Variants in REEP5 observed in about 807,000 individuals in gnomAD.
REEP5 encodes the protein receptor accessory protein 5, also known as receptor expression-enhancing protein 5.
In REEP5, 24 loss-of-function variants were observed where a neutral mutation model predicts 22.4. The ratio of observed to expected loss-of-function variants is 1.07; its 90% CI spans 0.78 to 1.51. The LOEUF is 1.51. Among genes scored for constraint, REEP5 ranks in the 40% most tolerant of loss-of-function variants. The pLI is 0.00. For missense variants in REEP5, 252 were observed against 233.0 expected, an observed-to-expected ratio of 1.08 and a Z score of -0.53; for synonymous variants, 103 against 88.6, an observed-to-expected ratio of 1.16 and a Z score of -0.92.
At chr5:112,901,334 T>C (rs780241710) in intron 3 of REEP5, among the ~76,000 whole-genome samples, 1 of 152,062 alleles carries the variant, frequency 6.6e-6, no homozygotes, top group Non-Finnish European at 1.5e-5. Context: ...AACAATATAA[T>C]AGTTGAAATG....
chr5:112,919,001 T>C (rs1197244578), intron 2 of REEP5, among the ~76,000 whole-genome samples: 1 of 152,252 alleles, frequency 6.6e-6, no homozygotes, highest in East Asian at 1.9e-4. Context: ...GACTACCTTA[T>C]TTCTTGCCAT....
chr5:112,887,009 T>C lies in REEP5; in HGVS notation c.520+6A>G, dbSNP rs539036527. On this transcript the variant is annotated splice_donor_region_variant and intron_variant, in intron 4 of 4. Transcript: ENST00000379638. ...CATGTGGGGCCATCTTGTTCCTGAG[T>C]CTTACCTTCTTTAGTGATGGCATCT... is the stretch of plus-strand genomic sequence containing the variant. 2.5e-4 allele frequency: 403 copies of C among 1,593,862 alleles called. 5 individuals carry two copies. The South Asian group carries it at 4.2e-3, about 16-fold the overall frequency.
At chr5:112,909,825 G>C (rs1210578306) in intron 2 of REEP5, among the ~76,000 whole-genome samples, 1 of 152,172 alleles carries the variant, frequency 6.6e-6, no homozygotes, top group African/African-American at 2.4e-5. Context: ...CCAAAGAATA[G>C]CATTAACATG....
rs963824673 is a variant in REEP5, at chr5:112,877,679, A to ATACT, written c.*1103_*1106dup. On this transcript the variant is annotated 3_prime_UTR_variant, in exon 5 of 5. Coordinates refer to ENST00000379638, the MANE Select transcript of REEP5 (RefSeq NM_005669.5). ...TGCCAAGCAGATTATGGGTTACTTT[A>ATACT]TACTTCCTTTCATTCTCCCAGAATT... 6.6e-6 allele frequency: 1 copy of ATACT among 152,162 alleles called. No homozygotes were observed. The highest frequency in any genetic ancestry group is 1.5e-5 in the Non-Finnish European group (1 of 68,036). The allele number at this position is 152,162 out of a possible 1,614,324, so 9.4% of individuals were successfully genotyped here. A position where few individuals can be genotyped will look rare whatever the true frequency, so the allele number is the denominator to read the frequency against.
At chr5:112,893,064 T>A (rs1412672833) in intron 3 of REEP5, 2 of 1,151,994 alleles carry the variant, frequency 1.7e-6, no homozygotes, top group Admixed American at 2.3e-5. Context: ...CTGTTCAGAG[T>A]CCCCAATCCA....
intron 3 of REEP5, chr5:112,891,525 C>G: frequency 6.3e-6 from 9 of 1,432,358 alleles, no homozygotes; most frequent in East Asian, 5.0e-5. Context: ...CAAAACAATA[C>G]TAGAAAACAT....
At chr5:112,916,304 G>A (rs1287062680) in intron 2 of REEP5, among the ~76,000 whole-genome samples, 2 of 151,932 alleles carry the variant, frequency 1.3e-5, no homozygotes, top group Non-Finnish European at 2.9e-5. Context: ...ATCTGACCTC[G>A]ATAGGGGTCA....
intron 4 of REEP5, among the ~76,000 whole-genome samples, chr5:112,880,441 AG>A (rs1429907816): frequency 1.3e-5 from 2 of 151,750 alleles, no homozygotes; most frequent in African/African-American, 4.9e-5. Context: ...ATGGAGCCAG[AG>A]CCTTAGTGAT....
At chr5:112,909,899 A>G (rs1467988852) in intron 2 of REEP5, among the ~76,000 whole-genome samples, 1 of 152,248 alleles carries the variant, frequency 6.6e-6, no homozygotes, top group African/African-American at 2.4e-5. Context: ...ATTAAGTGTC[A>G]TCTTTCAGAA....
At chr5:112,908,493 C>T (rs1004636775) in intron 2 of REEP5, among the ~76,000 whole-genome samples, 1 of 152,026 alleles carries the variant, frequency 6.6e-6, no homozygotes, top group African/African-American at 2.4e-5. Flanking sequence ...TGAACATCAG[C>T]TATATTCATT....
At chr5:112,907,299 A>G (rs1580750262) in intron 2 of REEP5, among the ~76,000 whole-genome samples, 1 of 152,188 alleles carries the variant, frequency 6.6e-6, no homozygotes, top group East Asian at 1.9e-4. Flanking sequence ...TCCTGGGCTC[A>G]GAACTAACAC....
At chr5:112,899,441 G>C (rs1470910098) in intron 3 of REEP5, among the ~76,000 whole-genome samples, 1 of 152,036 alleles carries the variant, frequency 6.6e-6, no homozygotes, top group Non-Finnish European at 1.5e-5. Flanking sequence ...TAGCACAACT[G>C]TCCTGTATAA....
At chr5:112,915,946 C>T (rs1222737114) in intron 2 of REEP5, among the ~76,000 whole-genome samples, 3 of 149,622 alleles carry the variant, frequency 2.0e-5, no homozygotes, top group Non-Finnish European at 4.4e-5. Context: ...AAGAAGAGAA[C>T]TACAAATACA....
rs1768274484 is a variant in REEP5, at chr5:112,887,087, A to C, written c.448T>G (p.Ser150Ala). 6.2e-7 allele frequency: 1 copy of C among 1,613,330 alleles called. No homozygotes were observed. The highest frequency in any genetic ancestry group is 8.5e-7 in the Non-Finnish European group (1 of 1,179,856). ...TCCTTGACCACACTGTCCATCTGGG[A>C]CTCGTGCTTCAGGAAGAAAGGACGG... Reference protein sequence around the residue: ...IIRPFFLKHESQMDSVVKDLK... With the variant: ...IIRPFFLKHEAQMDSVVKDLK... Residue 150 changes from serine (S) to alanine (A), a missense_variant, in exon 4 of 5, where the codon TCC (serine) becomes GCC (alanine). Coordinates refer to ENST00000379638, the MANE Select transcript of REEP5 (RefSeq NM_005669.5).
intron 2 of REEP5, among the ~76,000 whole-genome samples, chr5:112,919,767 C>A (rs895149664): frequency 1.3e-5 from 2 of 152,110 alleles, no homozygotes; most frequent in Non-Finnish European, 2.9e-5. Flanking sequence ...GCCTCCAGAA[C>A]TGTGAGCAAT....
chr5:112,884,356 T>G (rs1271708776), intron 4 of REEP5, among the ~76,000 whole-genome samples: 1 of 152,078 alleles, frequency 6.6e-6, no homozygotes, highest in African/African-American at 2.4e-5. Flanking sequence ...TAAAGTATGA[T>G]TCCCCATGGT....
chr5:112,893,217 C>G lies in REEP5; in HGVS notation c.352-6034G>C. 3 of 380,294 alleles carry G rather than the reference C, an allele frequency of 7.9e-6. No homozygotes were observed. In the South Asian group the frequency reaches 1.0e-4, roughly 13 times the overall value. 23.6% of individuals were successfully genotyped at this position (380,294 alleles called of 1,614,324 possible). A position where few individuals can be genotyped will look rare whatever the true frequency, so the allele number is the denominator to read the frequency against. On this transcript the variant is annotated intron_variant, in intron 3 of 4. Transcript: ENST00000379638. ...TTGAGGTCAGGAGTTTGAGGCCAGC[C>G]TGGCCAACATGGCAAAACCCCATTT...
At chr5:112,912,324 A>G (rs951549484) in intron 2 of REEP5, among the ~76,000 whole-genome samples, 1 of 152,200 alleles carries the variant, frequency 6.6e-6, no homozygotes, top group African/African-American at 2.4e-5. Flanking sequence ...ATGACATAAA[A>G]TTAAGTAATA....
At chr5:112,899,641 A>C (rs1768798911) in intron 3 of REEP5, among the ~76,000 whole-genome samples, 2 of 152,200 alleles carry the variant, frequency 1.3e-5, no homozygotes, top group South Asian at 4.1e-4. Context: ...TGCTGCCATG[A>C]ATATCTTTGT....
Sources: gnomAD v4.1 joint callset for allele counts (sites outside exome capture counted in the v4.1 genomes callset) on GRCh38, gnomAD v4.1.1 for gene constraint, MANE v1.5 for transcripts, NCBI Gene and HGNC (gene_info 2026-07-23, HGNC 2026-07-21) for gene names.